Variants in MED27 observed in about 807,000 individuals in gnomAD.
The protein encoded by MED27 is mediator of RNA polymerase II transcription subunit 27.
MED27 carries 30 observed loss-of-function variants against 38.2 expected under a neutral mutation model. That is an observed-to-expected ratio of 0.79 (90% CI 0.59 to 1.07). MED27 has a LOEUF of 1.07. Ranked by LOEUF, MED27 falls within the 50% of genes least tolerant of loss-of-function variation. MED27 has a pLI of 0.00. For synonymous variants in MED27, 122 were observed against 153.5 expected (o/e 0.79, Z 1.52); for missense variants, 289 against 397.5 (o/e 0.73, Z 2.32).
rs142004592 is a variant in MED27, at chr9:131,862,906, G to A, written c.801+157C>T. ...GAAGTGGTTTCTCCCAGATCCCTTC[G>A]CAGTTTAAAGAAAGTAGCAGTTTTA... is the stretch of plus-strand genomic sequence containing the variant. On this transcript the variant is annotated intron_variant, in intron 7 of 7. Coordinates refer to ENST00000292035, the MANE Select transcript of MED27 (RefSeq NM_004269.4). This position sits in a 1 kb window ranked among gnomAD's most constrained non-coding sequence, Gnocchi z 4.6. 2.6e-5 allele frequency among the ~76,000 whole-genome samples: 4 copies of A among 152,234 alleles called. No homozygotes were observed. The highest frequency in any genetic ancestry group is 1.9e-4 in the East Asian group (1 of 5,176).
chr9:131,987,043 T>A (rs907966985), intron 3 of MED27, among the ~76,000 whole-genome samples: 1 of 135,698 alleles, frequency 7.4e-6, no homozygotes, highest in African/African-American at 2.6e-5. Context: ...AATACTACTA[T>A]CTTTCTACAT....
chr9:131,868,907 G>C, intron 6 of MED27: 2 of 985,492 alleles, frequency 2.0e-6, no homozygotes, highest in Non-Finnish European at 2.4e-6. Flanking sequence ...GAATTCACTA[G>C]AAAGTGTCCT....
chr9:131,963,223 G>A (rs1187702056), intron 3 of MED27, among the ~76,000 whole-genome samples: 1 of 152,048 alleles, frequency 6.6e-6, no homozygotes, highest in African/African-American at 2.4e-5. Context: ...CAGGAGCCAT[G>A]GCCAGTCAAT....
intron 5 of MED27, among the ~76,000 whole-genome samples, chr9:131,891,123 T>C (rs1839221849): frequency 6.6e-6 from 1 of 152,010 alleles, no homozygotes; most frequent in African/African-American, 2.4e-5. Context: ...GGAGACAGGA[T>C]GGGAAGGAAG....
chr9:131,905,860 C>G (rs1247471911), intron 4 of MED27, among the ~76,000 whole-genome samples: 2 of 152,268 alleles, frequency 1.3e-5, no homozygotes, highest in African/African-American at 4.8e-5. Context: ...CTTCTTCCTC[C>G]CATCTACCCA....
chr9:132,050,345 G>C (rs1319815228), intron 2 of MED27, among the ~76,000 whole-genome samples: 3 of 152,224 alleles, frequency 2.0e-5, no homozygotes, highest in Admixed American at 6.5e-5. Context: ...GCCTCAGATG[G>C]GAGATGAGGG....
At chr9:131,869,385 C>T (rs1838790058) in intron 6 of MED27, 6 of 969,214 alleles carry the variant, frequency 6.2e-6, no homozygotes, top group Non-Finnish European at 7.3e-6. Context: ...AAAAACAGGC[C>T]TGGGGCAAAA....
chr9:131,932,522 C>T (rs554591387), intron 4 of MED27, among the ~76,000 whole-genome samples: 22 of 151,774 alleles, frequency 1.4e-4, no homozygotes, highest in African/African-American at 4.3e-4. Flanking sequence ...CTCGAGGAAA[C>T]GGATAAATTC....
intron 3 of MED27, among the ~76,000 whole-genome samples, chr9:131,968,200 C>T (rs181592245): frequency 1.3e-5 from 2 of 152,170 alleles, no homozygotes; most frequent in East Asian, 1.9e-4. Flanking sequence ...AGACCAGGCA[C>T]GGTGGCGCAT....
At chr9:131,880,679 C>T (rs2131478194) in intron 6 of MED27, among the ~76,000 whole-genome samples, 1 of 152,320 alleles carries the variant, frequency 6.6e-6, no homozygotes, top group South Asian at 2.1e-4. Flanking sequence ...GCTCCTAAAT[C>T]TCTCCAACTA....
intron 3 of MED27, among the ~76,000 whole-genome samples, chr9:131,965,304 C>T (rs774038045): frequency 1.3e-5 from 2 of 152,160 alleles, no homozygotes; most frequent in East Asian, 3.8e-4. Context: ...GTGCTTCTAG[C>T]GCGAGGCCAT....
intron 5 of MED27, among the ~76,000 whole-genome samples, chr9:131,890,808 A>T (rs1839216267): frequency 6.6e-6 from 1 of 152,210 alleles, no homozygotes; most frequent in South Asian, 2.1e-4. Context: ...TCCATGTGTA[A>T]GATGAGTCTA....
intron 3 of MED27, among the ~76,000 whole-genome samples, chr9:131,948,491 A>C (rs1347994996): frequency 1.9e-5 from 2 of 107,444 alleles, no homozygotes; most frequent in East Asian, 4.0e-4. Flanking sequence ...TCAAAAAAAC[A>C]AAAACAAAAA....
At position 131,994,219 on chromosome 9, in the gene MED27, C is replaced by A. The variant is rs146024306; in HGVS notation, c.479+20118G>T. On this transcript the variant is annotated intron_variant, in intron 3 of 7. Transcript: ENST00000292035. The stretch of plus-strand genomic sequence containing the variant: ...TGTTATACATTGTTTTGCTTCAAGT[C>A]GCAATTCCCAGGAACCTATCGATGA... Among the ~76,000 whole-genome samples the A allele has an allele frequency of 4.9e-4, 75 of 152,198 alleles. No homozygotes were observed. The East Asian group carries it at 0.013, about 27-fold the overall frequency.
chr9:131,879,904 G>A (rs7848165), intron 6 of MED27, among the ~76,000 whole-genome samples: 21,562 of 152,256 alleles, frequency 0.14, 1,593 homozygotes, highest in Non-Finnish European at 0.16. Flanking sequence ...CCTAAAAAGC[G>A]GAGTTTAGAA....
chr9:132,047,441 GACACACACACACAC>G (rs56144736), intron 2 of MED27, among the ~76,000 whole-genome samples: 6 of 145,266 alleles, frequency 4.1e-5, no homozygotes, highest in African/African-American at 1.5e-4. Flanking sequence ...TAATGTTTTA[GACACACACACACAC>G]ACACACACAC....
At chr9:131,993,847 C>T (rs182846721) in intron 3 of MED27, among the ~76,000 whole-genome samples, 29 of 152,296 alleles carry the variant, frequency 1.9e-4, no homozygotes, top group African/African-American at 6.3e-4. Flanking sequence ...TTTCCTCCTA[C>T]ATCCCAAAGA....
chr9:131,992,957 G>A (rs1832009226), intron 3 of MED27, among the ~76,000 whole-genome samples: 1 of 152,202 alleles, frequency 6.6e-6, no homozygotes. Flanking sequence ...TTTGACAAAT[G>A]AGAAGACTAA....
chr9:131,883,989 A>G lies in MED27; in HGVS notation c.723+69T>C, dbSNP rs750897271. 6 of 1,359,966 alleles carry G rather than the reference A, an allele frequency of 4.4e-6. No individual in the cohort carries two copies. The Admixed American group carries it at 7.4e-5, about 17-fold the overall frequency. The allele number at this position is 1,359,966 out of a possible 1,614,324, so 84.2% of individuals were successfully genotyped here. On this transcript the variant is annotated intron_variant, in intron 6 of 7. Transcript: ENST00000292035. This position sits in a 1 kb window ranked among gnomAD's most constrained non-coding sequence, Gnocchi z 4.2. ...TTCAAAAGCCTCTGATTTGAGACCA[A>G]TGTTTAAACCTCAAAGCATTCACGT...
Sources: allele counts gnomAD v4.1 joint callset (sites outside exome capture counted in the v4.1 genomes callset), GRCh38; gene constraint gnomAD v4.1.1; non-coding constraint Gnocchi (gnomAD v3.1); transcripts MANE v1.5; gene names NCBI Gene and HGNC (gene_info 2026-07-23, HGNC 2026-07-21).